Variants in COQ7 observed in about 807,000 individuals in gnomAD.
COQ7 encodes the protein NADPH-dependent 3-demethoxyubiquinone 3-hydroxylase, mitochondrial.
COQ7 carries 21 observed loss-of-function variants against 25.0 expected under a neutral mutation model. That is an observed-to-expected ratio of 0.84 (90% CI 0.60 to 1.21). The LOEUF (loss-of-function observed/expected upper bound fraction) is 1.21. Ranked by LOEUF, COQ7 falls within the 50% of genes most tolerant of loss-of-function variation. COQ7 has a pLI of 0.00. For missense variants in COQ7, 311 were observed against 296.2 expected (o/e 1.05, Z -0.37); for synonymous variants, 125 against 112.4 (o/e 1.11, Z -0.71).
chr16:19,069,182 G>A (rs1179868488), intron 1 of COQ7, among the ~76,000 whole-genome samples: 1 of 152,060 alleles, frequency 6.6e-6, no homozygotes, highest in African/African-American at 2.4e-5. Flanking sequence ...AGCTAGCACC[G>A]AGCCTCAATT....
chr16:19,073,673 C>A (rs531803434), intron 2 of COQ7, among the ~76,000 whole-genome samples: 1 of 152,334 alleles, frequency 6.6e-6, no homozygotes, highest in South Asian at 2.1e-4. Flanking sequence ...TCTGCTGCAA[C>A]CATGGCTCAT....
chr16:19,077,604 T>TTTTTTTTTTTTTTTTTTTTTTTTTC (rs1555522742), intron 5 of COQ7, among the ~76,000 whole-genome samples: 5 of 143,612 alleles, frequency 3.5e-5, no homozygotes, highest in African/African-American at 7.7e-5. Flanking sequence ...TTTTTTTTTT[T>TTTTTTTTTTTTTTTTTTTTTTTTTC]CCCAGACACA....
At chr16:19,075,648 C>T (rs1346969187) in intron 3 of COQ7, 73 bp from the exon 4 acceptor site, 10 of 1,487,828 alleles carry the variant, frequency 6.7e-6, no homozygotes, top group Non-Finnish European at 9.0e-6. Flanking sequence ...GTTAAGAAGC[C>T]CTGGCCACAG....
intron 1 of COQ7, chr16:19,068,053 A>AT: frequency 8.2e-7 from 1 of 1,221,288 alleles, no homozygotes; most frequent in African/African-American, 1.6e-5. Flanking sequence ...GACACTGAAA[A>AT]TTCAGCGTCT....
intron 4 of COQ7, 60 bp from the exon 5 acceptor site, chr16:19,077,245 GA>G: frequency 6.8e-7 from 1 of 1,463,760 alleles, no homozygotes. Context: ...CCTCCAAAAT[GA>G]AATGGAACAG....
rs1338252166 is a variant in COQ7 at position 19,078,367 on chromosome 16, C to T, written c.*209C>T. The T allele has an allele frequency of 1.0e-5, 4 of 398,486 alleles. No individual in the cohort carries two copies. Among genetic ancestry groups the T allele is most frequent in the Non-Finnish European group, 1.8e-5 (4 of 226,598 alleles). 24.7% of individuals were successfully genotyped at this position (398,486 alleles called of 1,614,324 possible). A position where few individuals can be genotyped will look rare whatever the true frequency, so the allele number is the denominator to read the frequency against. Reference sequence around the variant, plus strand: ...GCCATGAGACCAACAGGTCACCAGCCTTGTTCAAGTTACAGCAAACGAAGC... The same window carrying T: ...GCCATGAGACCAACAGGTCACCAGCTTTGTTCAAGTTACAGCAAACGAAGC... On this transcript the variant is annotated 3_prime_UTR_variant, in exon 6 of 6. Transcript: ENST00000321998.
chr16:19,070,906 T>C (rs1436472629), intron 1 of COQ7, among the ~76,000 whole-genome samples: 2 of 152,180 alleles, frequency 1.3e-5, no homozygotes, highest in Non-Finnish European at 2.9e-5. Context: ...AAAAAACCTT[T>C]TGAGTTACTC....
intron 1 of COQ7, chr16:19,068,502 A>C: frequency 1.6e-6 from 1 of 612,870 alleles, no homozygotes; most frequent in Non-Finnish European, 2.1e-6. Context: ...AAATACAAAA[A>C]TTTGCCAGGC....
chr16:19,069,976 T>G (rs11642179), intron 1 of COQ7, among the ~76,000 whole-genome samples: 139,300 of 151,862 alleles, frequency 0.92, 64,403 homozygotes, highest in Non-Finnish European at 0.97. Context: ...TAGAGATGGG[T>G]TTTCACCATT....
At chr16:19,073,459 C>G (rs1475374268) in intron 2 of COQ7, among the ~76,000 whole-genome samples, 4 of 152,154 alleles carry the variant, frequency 2.6e-5, no homozygotes, top group African/African-American at 9.7e-5. Flanking sequence ...TGCTACTGCA[C>G]TACAGTCTGG....
Position 19,072,104 on chromosome 16 carries a change from C to G in COQ7, c.250C>G (p.Gln84Glu). The G allele has an allele frequency of 6.2e-7, 1 of 1,614,058 alleles. No individual in the cohort carries two copies. Among genetic ancestry groups the G allele is most frequent in the Non-Finnish European group, 8.5e-7 (1 of 1,179,986 alleles). Residue 84 changes from glutamine (Q) to glutamate (E), a missense_variant and splice_region_variant, in exon 2 of 6, where the codon CAG (glutamine) becomes GAG (glutamate). Transcript: ENST00000321998. ...TCGGACCAGCGTCGGGCCAGTCATT[C>G]AGGTGGGTGCTTCTTCATCTCCCTC... Reference protein sequence around the residue: ...LGRTSVGPVIQKMWDQEKDHL... With the variant: ...LGRTSVGPVIEKMWDQEKDHL...
At chr16:19,078,051 G>A (rs758420191) in intron 5 of COQ7, 30 bp from the exon 6 acceptor site, 129 of 1,565,276 alleles carry the variant, frequency 8.2e-5, no homozygotes, top group Non-Finnish European at 9.9e-5. Flanking sequence ...CACATAACAT[G>A]TTTCTTTGTT....
At chr16:19,080,787 A>T (rs925258603), downstream of COQ7, among the ~76,000 whole-genome samples, 6 of 152,130 alleles carry the variant, frequency 3.9e-5, no homozygotes, top group Admixed American at 2.0e-4. Context: ...AAACCACAGA[A>T]ATAACGAAAT....
rs759208385 is a variant in COQ7, at chr16:19,078,110, T to C, written c.606T>C (p.Ile202=). Residue 202 remains isoleucine (I), a synonymous_variant, in exon 6 of 6, where the codon ATT becomes ATC. Coordinates refer to ENST00000321998, the MANE Select transcript of COQ7 (RefSeq NM_016138.5). ...LAPAYAVLKS[I]IQAGCRVAIY... is the part of the protein sequence containing the mutation. ...CAGCCTATGCCGTCCTGAAGAGCATTATCCAGGCCGGATGCAGAGTGGCGA... is the reference window on the plus strand; with the variant it reads ...CAGCCTATGCCGTCCTGAAGAGCATCATCCAGGCCGGATGCAGAGTGGCGA... 3 of 1,612,178 alleles carry C rather than the reference T, an allele frequency of 1.9e-6. No homozygotes were observed. Among genetic ancestry groups the C allele is most frequent in the Non-Finnish European group, 2.5e-6 (3 of 1,179,260 alleles).
Position 19,075,806 on chromosome 16 carries a change from C to T in COQ7, c.453C>T (p.Asn151=), listed in dbSNP as rs1404171369. The T allele has an allele frequency of 6.2e-7, 1 of 1,614,026 alleles. No homozygotes were observed. Among genetic ancestry groups the T allele is most frequent in the Admixed American group, 1.7e-5 (1 of 60,002 alleles). ...VEESIAHHYN[N]QIRTLMEEDP... ...AGAGCATAGCACATCACTACAACAA[C>T]CAGATCAGGACGCTGATGGAGGAGG... The change falls in exon 4 of 6, where the codon AAC becomes AAT. Residue 151 remains asparagine (N), a synonymous_variant. Coordinates refer to ENST00000321998, the MANE Select transcript of COQ7 (RefSeq NM_016138.5).
rs1213233944 is a variant in COQ7 at position 19,074,079 on chromosome 16, G to C, written c.367+44G>C. 4 of 1,415,908 alleles carry C rather than the reference G, an allele frequency of 2.8e-6. No homozygotes were observed. In the South Asian group the frequency reaches 3.6e-5, roughly 13 times the overall value. 87.7% of individuals were successfully genotyped at this position (1,415,908 alleles called of 1,614,324 possible). ...GAGCTTATGCAAGCTTGGGGATCTA[G>C]GATGATTAAATCCTTCAGGTATCAT... On this transcript the variant is annotated intron_variant, in intron 3 of 5. Coordinates refer to ENST00000321998, the MANE Select transcript of COQ7 (RefSeq NM_016138.5).
chr16:19,070,215 C>G (rs1182394295), intron 1 of COQ7, among the ~76,000 whole-genome samples: 1 of 152,184 alleles, frequency 6.6e-6, no homozygotes, highest in Non-Finnish European at 1.5e-5. Context: ...ATTTACAACC[C>G]CATCTGGTAG....
chr16:19,076,585 CTTTTTTTTTTTTTTTT>C (rs67725348), intron 4 of COQ7, among the ~76,000 whole-genome samples: 1 of 80,510 alleles, frequency 1.2e-5, no homozygotes, highest in African/African-American at 5.1e-5. Flanking sequence ...GTGCTGTTCA[CTTTTTTTTTTTTTTTT>C]TTTTTTTTTT....
chr16:19,077,662 C>T (rs1346958789), intron 5 of COQ7, among the ~76,000 whole-genome samples: 2 of 130,656 alleles, frequency 1.5e-5, no homozygotes, highest in African/African-American at 5.4e-5. Flanking sequence ...AGTCTTAGCT[C>T]ACTGCAGCCT....
Sources: gnomAD v4.1 joint callset for allele counts (sites outside exome capture counted in the v4.1 genomes callset) on GRCh38, gnomAD v4.1.1 for gene constraint, MANE v1.5 for transcripts, NCBI Gene and HGNC (gene_info 2026-07-23, HGNC 2026-07-21) for gene names.